SLC17A5: variants seen among roughly 807,000 people sequenced by gnomAD.
SLC17A5 encodes the protein solute carrier family 17 member 5.
SLC17A5 carries 47 observed loss-of-function variants against 59.4 expected under a neutral mutation model. That is an observed-to-expected ratio of 0.79 (90% CI 0.63 to 1.01). The LOEUF (loss-of-function observed/expected upper bound fraction) is 1.01, where lower values mean the gene tolerates loss of function less well. Ranked by LOEUF, SLC17A5 falls within the 50% of genes least tolerant of loss-of-function variation. SLC17A5 has a pLI of 0.00. For synonymous variants in SLC17A5, 202 were observed against 210.7 expected, an observed-to-expected ratio of 0.96 and a Z score of 0.36; for missense variants, 522 against 595.5, an observed-to-expected ratio of 0.88 and a Z score of 1.28.
intron 8 of SLC17A5, among the ~76,000 whole-genome samples, chr6:73,612,290 A>G (rs1767669484): frequency 6.6e-6 from 1 of 151,884 alleles, no homozygotes; most frequent in Admixed American, 6.6e-5. Flanking sequence ...GGCCTCCTGA[A>G]TAGCTGGGAC....
In SLC17A5 at chr6:73,641,832, A is replaced by T. The variant is rs1057516257; in HGVS notation, c.384T>A (p.Tyr128Ter). The change falls in exon 3 of 11, where the codon TAT becomes TAA. Residue 128 changes from tyrosine to a stop codon, truncating the protein, a stop_gained. Coordinates refer to ENST00000355773, the MANE Select transcript of SLC17A5 (RefSeq NM_012434.5). LOFTEE classifies it high-confidence loss of function. ...GYIITQIPGG[Y>*]VASKIGGKML... ...TTTTCCCCCCTATTTTGCTGGCAAC[A>T]TATCCTCCAGGAATCTGTGTGATGA... 6.2e-7 allele frequency: 1 copy of T among 1,614,194 alleles called. No individual in the cohort carries two copies.
At chr6:73,602,059 T>C (rs574658142) in intron 9 of SLC17A5, among the ~76,000 whole-genome samples, 1 of 151,954 alleles carries the variant, frequency 6.6e-6, no homozygotes, top group South Asian at 2.1e-4. Flanking sequence ...TAGAAAGAAG[T>C]AGACATGGGA....
chr6:73,618,502 GTT>G (rs1767981037), intron 7 of SLC17A5: 1 of 504,492 alleles, frequency 2.0e-6, no homozygotes, highest in African/African-American at 2.0e-5. Flanking sequence ...ACAAACAGTA[GTT>G]TTGTGTGTTG....
Position 73,641,714 on chromosome 6 carries a change from T to C in SLC17A5, c.502A>G (p.Arg168Gly). ...ACCTCTCCTAGTCCTTCTAGTGCTC[T>C]GAGTACAATGAGTGGTCCAACTCCT... ...DLGVGPLIVL[R>G]ALEGLGEGVT... is the part of the protein sequence containing the mutation. The change falls in exon 3 of 11, where the codon AGA becomes GGA. Residue 168 changes from arginine (R) to glycine (G), a missense_variant. Physicochemically the swap from Arg to Gly is moderately radical, Grantham distance 125. This residue lies in a region of SLC17A5 where 338 missense variants were observed against 363.8 expected (regional missense o/e 0.93). Coordinates refer to ENST00000355773, the MANE Select transcript of SLC17A5 (RefSeq NM_012434.5). The C allele has an allele frequency of 6.2e-7, 1 of 1,613,770 alleles. No homozygotes were observed. The highest frequency in any genetic ancestry group is 8.5e-7 in the Non-Finnish European group (1 of 1,179,698).
rs999445559 is a variant in SLC17A5, at chr6:73,650,507, CAAAAAAAA to C, written c.94+3278_94+3285del. Reference sequence around the variant, plus strand: ...TGGGCGAAAGAGCAAGACTCCGTCTCAAAAAAAAAAAAAAAAAAAAAAAAGAAAAAGAA... The same window carrying C: ...TGGGCGAAAGAGCAAGACTCCGTCTCAAAAAAAAAAAAAAAAGAAAAAGAA... On this transcript the variant is annotated intron_variant, in intron 1 of 10. Transcript: ENST00000355773. 1.4e-4 allele frequency among the ~76,000 whole-genome samples: 5 copies of C among 35,564 alleles called. No individual in the cohort carries two copies. The East Asian group carries it at 3.0e-3, about 22-fold the overall frequency. 23.3% of individuals were successfully genotyped at this position (35,564 alleles called of 152,430 possible).
chr6:73,615,127 C>A (rs535479411), intron 8 of SLC17A5, among the ~76,000 whole-genome samples, 188 bp downstream of exon 8: 30 of 152,316 alleles, frequency 2.0e-4, no homozygotes, highest in African/African-American at 6.3e-4. Flanking sequence ...CTGGTGTCCG[C>A]TGCAGAACTG....
intron 9 of SLC17A5, among the ~76,000 whole-genome samples, chr6:73,603,664 C>T (rs1275269046): frequency 1.3e-5 from 2 of 151,996 alleles, no homozygotes; most frequent in Non-Finnish European, 2.9e-5. Context: ...AGGTGATCCA[C>T]CTGCCCCAGC....
Position 73,644,561 on chromosome 6 carries a change from G to A in SLC17A5, c.137C>T (p.Ala46Val), listed in dbSNP as rs371810705. ...ATACACAATGAAGAAACCAAAAAAGGCCAAAATTGCTAAGTTGTAACGAGC... is the reference window on the plus strand; with the variant it reads ...ATACACAATGAAGAAACCAAAAAAGACCAAAATTGCTAAGTTGTAACGAGC... ...CSARYNLAILAFFGFFIVYAL... is the reference protein window; with the variant it reads ...CSARYNLAILVFFGFFIVYAL... Residue 46 changes from alanine (A) to valine (V), a missense_variant, in exon 2 of 11, where the codon GCC becomes GTC. By Grantham distance (64) the Ala-to-Val change is moderately conservative (BLOSUM62 0). Around this residue, in one of 3 missense-constraint regions of SLC17A5, gnomAD observed 338 missense variants for 363.8 expected, o/e 0.93. Transcript: ENST00000355773. 6.8e-6 allele frequency: 11 copies of A among 1,614,040 alleles called. No individual in the cohort carries two copies. Among genetic ancestry groups the A allele is most frequent in the Non-Finnish European group, 9.3e-6 (11 of 1,179,986 alleles).
chr6:73,607,334 C>A (rs1286645501), intron 9 of SLC17A5, among the ~76,000 whole-genome samples: 1 of 149,362 alleles, frequency 6.7e-6, no homozygotes, highest in African/African-American at 2.5e-5. Context: ...GGCTAGAGTG[C>A]AATTGCTCAC....
chr6:73,622,016 C>G, intron 6 of SLC17A5, 54 bp from the exon 7 acceptor site: 2 of 1,543,964 alleles, frequency 1.3e-6, no homozygotes, highest in South Asian at 2.2e-5. Context: ...ATGCTTAGAT[C>G]TGTACCGTAT....
intron 1 of SLC17A5, among the ~76,000 whole-genome samples, chr6:73,650,507 C>CAAAAAAAAAAAAAAAAA (rs999445559): frequency 2.8e-4 from 10 of 35,516 alleles, no homozygotes; most frequent in East Asian, 7.6e-4. Context: ...GACTCCGTCT[C>CAAAAAAAAAAAAAAAAA]AAAAAAAAAA....
At chr6:73,648,661 A>G (rs1769694223) in intron 1 of SLC17A5, among the ~76,000 whole-genome samples, 1 of 152,168 alleles carries the variant, frequency 6.6e-6, no homozygotes, top group African/African-American at 2.4e-5. Flanking sequence ...TTTTATCTGG[A>G]GAAAGTTATG....
At chr6:73,653,353 C>A in intron 1 of SLC17A5, 1 of 985,444 alleles carries the variant, frequency 1.0e-6, no homozygotes, top group Non-Finnish European at 1.2e-6. Flanking sequence ...GCAGGTTTCT[C>A]CTCCAGTTTG....
At chr6:73,628,526 G>A (rs1048744329) in intron 6 of SLC17A5, among the ~76,000 whole-genome samples, 2 of 152,174 alleles carry the variant, frequency 1.3e-5, no homozygotes, top group Admixed American at 6.6e-5. Context: ...AGCTGAGATA[G>A]TGCCACTGCT....
chr6:73,613,119 T>A (rs532329913), intron 8 of SLC17A5, among the ~76,000 whole-genome samples: 1 of 152,304 alleles, frequency 6.6e-6, no homozygotes, highest in South Asian at 2.1e-4. Flanking sequence ...GTTCTTTGAT[T>A]TATAGCTCCT....
chr6:73,648,222 T>C (rs1011355429), intron 1 of SLC17A5, among the ~76,000 whole-genome samples: 5 of 152,224 alleles, frequency 3.3e-5, no homozygotes, highest in Admixed American at 3.3e-4. Flanking sequence ...CAAGAAGGTA[T>C]AGCAGTAAAG....
intron 1 of SLC17A5, among the ~76,000 whole-genome samples, chr6:73,651,482 A>T (rs954391587): frequency 9.9e-5 from 15 of 150,894 alleles, no homozygotes; most frequent in African/African-American, 3.6e-4. Context: ...AAAAAAAAAA[A>T]AATCAGGACA....
Position 73,629,124 on chromosome 6 carries a change from C to T in SLC17A5, c.819+6258G>A, listed in dbSNP as rs145361739. On this transcript the variant is annotated intron_variant, in intron 6 of 10. Coordinates refer to ENST00000355773, the MANE Select transcript of SLC17A5 (RefSeq NM_012434.5). ...TATCTTCAGGCTGGGCATGGTGGCTCATGCCTGTAATCCCAGCACTTTGGA... is the reference window on the plus strand; with the variant it reads ...TATCTTCAGGCTGGGCATGGTGGCTTATGCCTGTAATCCCAGCACTTTGGA... Among the ~76,000 whole-genome samples, 79 of 152,340 alleles carry T rather than the reference C, an allele frequency of 5.2e-4. 2 individuals carry two copies. The highest frequency in any genetic ancestry group is 4.8e-3 in the Admixed American group (74 of 15,296).
At chr6:73,601,525 C>G (rs1277884056) in intron 9 of SLC17A5, among the ~76,000 whole-genome samples, 12 of 116,978 alleles carry the variant, frequency 1.0e-4, no homozygotes, top group Admixed American at 3.1e-4. Flanking sequence ...GGTCAGCCCC[C>G]CGCCCGGCCA....
Sources: allele counts gnomAD v4.1 joint callset (sites outside exome capture counted in the v4.1 genomes callset), GRCh38; gene constraint gnomAD v4.1.1; regional missense constraint gnomAD v4.1.1; transcripts MANE v1.5; gene names NCBI Gene and HGNC (gene_info 2026-07-23, HGNC 2026-07-21).